Variants in SEZ6L2 observed in about 807,000 individuals in gnomAD.
SEZ6L2 encodes the protein seizure 6-like protein 2.
Under a neutral mutation model 97.0 loss-of-function variants are expected in SEZ6L2, and 44 were observed. The ratio of observed to expected loss-of-function variants is 0.45; its 90% confidence interval spans 0.36 to 0.58. SEZ6L2 has a LOEUF of 0.58. Ranked by LOEUF, SEZ6L2 falls within the 20% of genes least tolerant of loss-of-function variation. SEZ6L2 has a pLI of 0.00. For synonymous variants in SEZ6L2, 543 were observed against 546.1 expected (o/e 0.99, Z 0.08); for missense variants, 1,086 against 1,233.3 (o/e 0.88, Z 1.79).
At chr16:29,880,215 T>C (rs1596969348) in intron 8 of SEZ6L2, 151 bp from the exon 9 acceptor site, 2 of 699,990 alleles carry the variant, frequency 2.9e-6, no homozygotes, top group Middle Eastern at 4.0e-4. Flanking sequence ...CAGGCTGGAG[T>C]GCAGTGGTAC....
intron 10 of SEZ6L2, among the ~76,000 whole-genome samples, 169 bp from the exon 11 acceptor site, chr16:29,877,636 C>G (rs1249854078): frequency 5.3e-5 from 8 of 152,330 alleles, no homozygotes; most frequent in Non-Finnish European, 1.2e-4. Context: ...ACCATGGTTT[C>G]TCCTATGCTA....
intron 11 of SEZ6L2, 54 bp downstream of exon 11, chr16:29,877,217 G>A: frequency 6.8e-7 from 1 of 1,477,508 alleles, no homozygotes; most frequent in Non-Finnish European, 9.0e-7. Context: ...GCCACCTCCC[G>A]GGATCTCTGG....
chr16:29,898,451 C>G (rs1005654029), intron 1 of SEZ6L2, among the ~76,000 whole-genome samples: 12 of 152,030 alleles, frequency 7.9e-5, no homozygotes, highest in Admixed American at 2.6e-4. Flanking sequence ...CTCTCTCCCC[C>G]CCACCCTCTC....
chr16:29,897,211 C>T, intron 2 of SEZ6L2, 90 bp from the exon 3 acceptor site: 1 of 1,153,378 alleles, frequency 8.7e-7, no homozygotes, highest in Non-Finnish European at 1.2e-6. Flanking sequence ...AGGGGTTCCC[C>T]TGCCATACCA....
Position 29,878,315 on chromosome 16 carries a change from C to G in SEZ6L2, c.1684G>C (p.Glu562Gln). ...DCVWGVHVQE[E>Q]KRILLQVEIL... ...TCAACTTGGAGCAAGATGCGCTTCT[C>G]TTCCTGGACGTGCACGCCCCACACG... Residue 562 changes from glutamate to glutamine, a missense_variant, in exon 10 of 18, where the codon GAG becomes CAG. Glu to Gln is a conservative substitution (Grantham distance 29, BLOSUM62 2). Around this residue, in one of 2 missense-constraint regions of SEZ6L2, gnomAD observed 776 missense variants for 794.7 expected, o/e 0.98. Transcript: ENST00000617533. 6.3e-7 allele frequency: 1 copy of G among 1,596,184 alleles called. No homozygotes were observed. The highest frequency in any genetic ancestry group is 8.5e-7 in the Non-Finnish European group (1 of 1,170,420).
chr16:29,871,760 A>C (rs2067787213), intron 17 of SEZ6L2, 32 bp from the exon 18 acceptor site: 1 of 1,599,870 alleles, frequency 6.3e-7, no homozygotes, highest in Admixed American at 1.7e-5. Flanking sequence ...CAGTTGTTGG[A>C]GTCTGATAGG....
chr16:29,871,470 G>T lies in SEZ6L2; in HGVS notation c.*229C>A. Reference sequence around the variant, plus strand: ...AGAATCCAAAAGCCGGTAGGGCGGGGGGCAGGCCCCTCGTTTGGCAACTGA... The same window carrying T: ...AGAATCCAAAAGCCGGTAGGGCGGGTGGCAGGCCCCTCGTTTGGCAACTGA... On this transcript the variant is annotated 3_prime_UTR_variant, in exon 18 of 18. Coordinates refer to ENST00000617533, the MANE Select transcript of SEZ6L2 (RefSeq NM_001243332.2). The T allele has an allele frequency of 1.7e-6, 1 of 603,214 alleles. No individual in the cohort carries two copies. Among genetic ancestry groups the T allele is most frequent in the East Asian group, 2.8e-5 (1 of 36,076 alleles). The allele number at this position is 603,214 out of a possible 1,614,324, so 37.4% of individuals were successfully genotyped here.
At position 29,895,436 on chromosome 16, in the gene SEZ6L2, C is replaced by G; in HGVS notation, c.676G>C (p.Glu226Gln). The stretch of plus-strand genomic sequence containing the variant: ...CCAGCCAGCACCAGGAGCTCCTCTT[C>G]CTGTGACAGGTTCAGCGTCTGCACC... ...IQVQTLNLSQ[E>Q]EELLVLAGGG... Residue 226 changes from glutamate (E) to glutamine (Q), a missense_variant, in exon 5 of 18, where the codon GAA (glutamate) becomes CAA (glutamine). Physicochemically the swap from Glu to Gln is conservative, Grantham distance 29. This residue lies in a region of SEZ6L2 where 776 missense variants were observed against 794.7 expected (regional missense o/e 0.98). Transcript: ENST00000617533. 1 of 1,614,114 alleles carries G rather than the reference C, an allele frequency of 6.2e-7. No individual in the cohort carries two copies. Among genetic ancestry groups the G allele is most frequent in the East Asian group, 2.2e-5 (1 of 44,874 alleles).
chr16:29,874,629 T>C (rs1435696171), intron 12 of SEZ6L2, among the ~76,000 whole-genome samples: 1 of 133,216 alleles, frequency 7.5e-6, no homozygotes, highest in Admixed American at 8.9e-5. Flanking sequence ...TGGAGTGCAG[T>C]GGCGCATCTC....
Position 29,888,533 on chromosome 16 carries a change from G to A in SEZ6L2, c.1039+7C>T, listed in dbSNP as rs1265916878. 1.2e-5 allele frequency: 19 copies of A among 1,612,616 alleles called. No individual in the cohort carries two copies. The highest frequency in any genetic ancestry group is 1.6e-5 in the Non-Finnish European group (19 of 1,179,144). On this transcript the variant is annotated splice_region_variant and intron_variant, in intron 6 of 17. Coordinates refer to ENST00000617533, the MANE Select transcript of SEZ6L2 (RefSeq NM_001243332.2). ...AGATGCCCCACCCACTGTGGCAGGA[G>A]ACTCACCCATGCAGCTGGGGGTTTC...
intron 7 of SEZ6L2, 38 bp from the exon 8 acceptor site, chr16:29,885,787 C>T: frequency 1.9e-6 from 3 of 1,578,156 alleles, no homozygotes; most frequent in South Asian, 2.3e-5. Context: ...GCTCAATCTC[C>T]CTCACAAGCT....
chr16:29,877,754 A>C (rs1218961806), intron 10 of SEZ6L2, among the ~76,000 whole-genome samples: 1 of 152,114 alleles, frequency 6.6e-6, no homozygotes, highest in Non-Finnish European at 1.5e-5. Context: ...CTCCATCACC[A>C]TGAGATCCAC....
rs1307475666 is a variant in SEZ6L2, at chr16:29,876,737, G to C, written c.2104+19C>G. On this transcript the variant is annotated intron_variant, in intron 12 of 17. Transcript: ENST00000617533. The surrounding 1 kb of genome is among the most constrained non-coding windows in gnomAD (Gnocchi z 6.5). Reference sequence around the variant, plus strand: ...AGGGAAGGGGCGGGGCCGAGGGGACGCGGGCGGGGCCGGCTCACTCTTTTG... The same window carrying C: ...AGGGAAGGGGCGGGGCCGAGGGGACCCGGGCGGGGCCGGCTCACTCTTTTG... 1 of 1,516,926 alleles carries C rather than the reference G, an allele frequency of 6.6e-7. No homozygotes were observed. The highest frequency in any genetic ancestry group is 1.9e-4 in the Middle Eastern group (1 of 5,258). 94.0% of individuals were successfully genotyped at this position (1,516,926 alleles called of 1,614,324 possible).
At chr16:29,889,614 CTTTT>C (rs869108927) in intron 5 of SEZ6L2, among the ~76,000 whole-genome samples, 604 of 70,288 alleles carry the variant, frequency 8.6e-3, no homozygotes, top group Non-Finnish European at 0.014. Context: ...CTTGAAACTT[CTTTT>C]TTTTTTTTTT....
chr16:29,872,400 G>C lies in SEZ6L2; in HGVS notation c.2645+9C>G. On this transcript the variant is annotated intron_variant, in intron 16 of 17. Transcript: ENST00000617533. The stretch of plus-strand genomic sequence containing the variant: ...GCCCTGGCCGGCAGTCCCCAAGCAG[G>C]CTACTTACTTGGTGTAGTAGATGTA... The C allele has an allele frequency of 1.2e-6, 2 of 1,613,118 alleles. No homozygotes were observed. Among genetic ancestry groups the C allele is most frequent in the Non-Finnish European group, 1.7e-6 (2 of 1,179,068 alleles).
intron 8 of SEZ6L2, among the ~76,000 whole-genome samples, chr16:29,884,102 A>G (rs1441821062): frequency 1.3e-5 from 2 of 151,918 alleles, no homozygotes; most frequent in Admixed American, 1.3e-4. Flanking sequence ...CTCCCAGTCC[A>G]CTAGGTTAAG....
chr16:29,877,054 C>G, intron 11 of SEZ6L2, 104 bp from the exon 12 acceptor site: 2 of 1,232,262 alleles, frequency 1.6e-6, no homozygotes, highest in South Asian at 2.9e-5. Context: ...CTGTCTCTCT[C>G]TCTCTCTCTT....
At chr16:29,882,271 T>C (rs2068046181) in intron 8 of SEZ6L2, among the ~76,000 whole-genome samples, 1 of 151,710 alleles carries the variant, frequency 6.6e-6, no homozygotes, top group Non-Finnish European at 1.5e-5. Context: ...GTGCCCGGGT[T>C]ATTTTATTTA....
chr16:29,891,878 G>A (rs1459513911), intron 5 of SEZ6L2, among the ~76,000 whole-genome samples: 3 of 152,108 alleles, frequency 2.0e-5, no homozygotes, highest in African/African-American at 7.2e-5. Flanking sequence ...AAAGAAACAC[G>A]CAAAGCACCT....
Sources: allele counts gnomAD v4.1 joint callset (sites outside exome capture counted in the v4.1 genomes callset), GRCh38; gene constraint gnomAD v4.1.1; regional missense constraint gnomAD v4.1.1; non-coding constraint Gnocchi (gnomAD v3.1); transcripts MANE v1.5; gene names NCBI Gene and HGNC (gene_info 2026-07-23, HGNC 2026-07-21).